RELN: variants seen among roughly 807,000 people sequenced by gnomAD.
The protein encoded by RELN is reelin.
Under a neutral mutation model 427.6 loss-of-function variants are expected in RELN, and 108 were observed. That is an observed-to-expected ratio of 0.25 (90% confidence interval 0.22 to 0.30). The LOEUF (loss-of-function observed/expected upper bound fraction) is 0.30. Ranked by LOEUF, RELN falls within the 10% of genes least tolerant of loss-of-function variation. The pLI is 1.00. For synonymous variants in RELN, 1,524 were observed against 1,513.4 expected (o/e 1.01, Z -0.16); for missense variants, 3,715 against 4,302.8 (o/e 0.86, Z 3.82).
At chr7:103,579,315 T>C (rs1006388376) in intron 28 of RELN, among the ~76,000 whole-genome samples, 3 of 152,150 alleles carry the variant, frequency 2.0e-5, no homozygotes, top group African/African-American at 4.8e-5. Context: ...AAATAGATCA[T>C]AGGCCAGGCG....
chr7:103,808,694 C>T (rs1476372447), intron 3 of RELN, among the ~76,000 whole-genome samples: 1 of 151,636 alleles, frequency 6.6e-6, no homozygotes, highest in African/African-American at 2.4e-5. Flanking sequence ...TATGGCAGAA[C>T]TGAAAGACCA....
At chr7:103,919,238 A>T (rs1795559704) in intron 1 of RELN, among the ~76,000 whole-genome samples, 1 of 151,164 alleles carries the variant, frequency 6.6e-6, no homozygotes, top group Non-Finnish European at 1.5e-5. Flanking sequence ...CTTCTTCAAG[A>T]AGATAATGGG....
At chr7:103,725,970 T>A (rs954390045) in intron 7 of RELN, among the ~76,000 whole-genome samples, 1 of 152,176 alleles carries the variant, frequency 6.6e-6, no homozygotes, top group African/African-American at 2.4e-5. Context: ...TCTTTGCTCG[T>A]GGTTCTTTTT....
intron 19 of RELN, among the ~76,000 whole-genome samples, chr7:103,633,649 G>A (rs1012610659): frequency 2.6e-5 from 4 of 151,964 alleles, no homozygotes; most frequent in Non-Finnish European, 4.4e-5. Flanking sequence ...AAGATTAAAC[G>A]CGCCTTTGCA....
chr7:103,853,394 T>G (rs906038025), intron 2 of RELN, among the ~76,000 whole-genome samples: 1 of 152,058 alleles, frequency 6.6e-6, no homozygotes, highest in Non-Finnish European at 1.5e-5. Flanking sequence ...TCAATATTGC[T>G]TTTTCATTCA....
chr7:103,786,234 A>C (rs1792011448), intron 3 of RELN, among the ~76,000 whole-genome samples: 2 of 152,174 alleles, frequency 1.3e-5, no homozygotes, highest in Admixed American at 1.3e-4. Flanking sequence ...ATTCATACTA[A>C]GGAGAGATAA....
At chr7:103,701,869 C>A (rs994889434) in intron 8 of RELN, among the ~76,000 whole-genome samples, 3 of 152,178 alleles carry the variant, frequency 2.0e-5, no homozygotes, top group African/African-American at 7.2e-5. Flanking sequence ...TTTCACCCAT[C>A]TGATAGAGGA....
chr7:103,723,004 G>A (rs960495314), intron 8 of RELN, 136 bp downstream of exon 8: 16 of 650,682 alleles, frequency 2.5e-5, no homozygotes, highest in East Asian at 1.4e-4. Flanking sequence ...TAAAAATGTT[G>A]TAGATTATTT....
rs780370644 is a variant in RELN at position 103,545,340 on chromosome 7, C to T, written c.6307G>A (p.Val2103Ile). The change falls in exon 42 of 65, where the codon GTC becomes ATC. Residue 2103 changes from valine (V) to isoleucine (I), a missense_variant. By Grantham distance (29) the Val-to-Ile change is conservative. Around this residue, in one of 4 missense-constraint regions of RELN, gnomAD observed 1,310 missense variants for 1,643.0 expected, o/e 0.80. Coordinates refer to ENST00000428762, the MANE Select transcript of RELN (RefSeq NM_005045.4). ...HFGKLHLCGS[V>I]RFRWYQGFYP... Reference sequence around the variant, plus strand: ...AATCCCTGGTACCATCTGAAACGGACAGATCTGGAAAAGAGGACAAGTCTT... The same window carrying T: ...AATCCCTGGTACCATCTGAAACGGATAGATCTGGAAAAGAGGACAAGTCTT... The T allele has an allele frequency of 4.3e-6, 7 of 1,610,824 alleles. No individual in the cohort carries two copies. The African/African-American group carries it at 6.7e-5, about 15-fold the overall frequency.
intron 11 of RELN, among the ~76,000 whole-genome samples, chr7:103,667,280 C>T (rs1205540040): frequency 3.3e-5 from 5 of 152,152 alleles, no homozygotes; most frequent in Admixed American, 3.3e-4. Context: ...TTAATTATGT[C>T]ATCAGGAGTG....
intron 1 of RELN, among the ~76,000 whole-genome samples, chr7:103,974,126 G>T (rs191772532): frequency 6.6e-6 from 1 of 152,046 alleles, no homozygotes; most frequent in African/African-American, 2.4e-5. Context: ...CTGGGCAAGA[G>T]AGCAAGACTC....
rs747437576 is a variant in RELN, at chr7:103,710,031, G to A, written c.806-9025C>T. Reference sequence around the variant, plus strand: ...ATAAGACAAATGTCAGAATGTGAACGTATATTTATCAATGTAACAAATCTA... The same window carrying A: ...ATAAGACAAATGTCAGAATGTGAACATATATTTATCAATGTAACAAATCTA... On this transcript the variant is annotated intron_variant, in intron 8 of 64. Transcript: ENST00000428762. Among the ~76,000 whole-genome samples the A allele has an allele frequency of 5.6e-4, 85 of 152,166 alleles. 1 individual carries two copies. The highest frequency in any genetic ancestry group is 1.4e-3 in the Admixed American group (22 of 15,276).
chr7:103,625,185 T>C (rs941723447), intron 20 of RELN, among the ~76,000 whole-genome samples: 2 of 152,252 alleles, frequency 1.3e-5, no homozygotes, highest in Non-Finnish European at 2.9e-5. Flanking sequence ...TGGGATTTCC[T>C]AGTAACCTAA....
intron 2 of RELN, among the ~76,000 whole-genome samples, chr7:103,890,245 T>C (rs1200844175): frequency 6.6e-6 from 1 of 151,832 alleles, no homozygotes; most frequent in Non-Finnish European, 1.5e-5. Context: ...AGCAAGACGG[T>C]CAATTCTTCT....
intron 2 of RELN, among the ~76,000 whole-genome samples, chr7:103,869,578 A>G (rs1794279381): frequency 6.6e-6 from 1 of 152,120 alleles, no homozygotes; most frequent in Non-Finnish European, 1.5e-5. Flanking sequence ...GCAATTTAAT[A>G]GTGTCACCAA....
intron 1 of RELN, among the ~76,000 whole-genome samples, chr7:103,961,319 A>G (rs1220676463): frequency 1.3e-5 from 2 of 152,212 alleles, no homozygotes; most frequent in African/African-American, 4.8e-5. Context: ...TCTGAGAAAC[A>G]TTTTGATCTA....
chr7:103,710,002 G>A (rs1195925379), intron 8 of RELN, among the ~76,000 whole-genome samples: 1 of 152,142 alleles, frequency 6.6e-6, no homozygotes, highest in Non-Finnish European at 1.5e-5. Flanking sequence ...AGAAGGAAGT[G>A]TCAATAAGAC....
intron 8 of RELN, among the ~76,000 whole-genome samples, chr7:103,720,769 T>C (rs1790056722): frequency 6.6e-6 from 1 of 152,142 alleles, no homozygotes; most frequent in Admixed American, 6.6e-5. Context: ...TTTCTAGAAT[T>C]TGTGAGTGTT....
At chr7:103,632,349 T>A (rs564374696) in intron 19 of RELN, among the ~76,000 whole-genome samples, 20 of 152,366 alleles carry the variant, frequency 1.3e-4, no homozygotes, top group African/African-American at 4.6e-4. Flanking sequence ...CAGAGCAGTA[T>A]CTGGCACATA....
Sources: allele counts gnomAD v4.1 joint callset (sites outside exome capture counted in the v4.1 genomes callset), GRCh38; gene constraint gnomAD v4.1.1; regional missense constraint gnomAD v4.1.1; transcripts MANE v1.5; gene names NCBI Gene and HGNC (gene_info 2026-07-23, HGNC 2026-07-21).